The following PTPN4 variants were observed in gnomAD, a reference collection of about 807,000 sequenced individuals.
PTPN4 encodes the protein tyrosine-protein phosphatase non-receptor type 4.
In PTPN4, 49 loss-of-function variants were observed where a neutral mutation model predicts 135.5. That is an observed-to-expected ratio of 0.36 (90% CI 0.29 to 0.46). PTPN4 has a LOEUF of 0.46. Ranked by LOEUF, PTPN4 falls within the 20% of genes least tolerant of loss-of-function variation. PTPN4 has a pLI of 1.00. For missense variants in PTPN4, 860 were observed against 1,101.0 expected, an observed-to-expected ratio of 0.78 and a Z score of 3.10; for synonymous variants, 333 against 369.9, an observed-to-expected ratio of 0.90 and a Z score of 1.14.
chr2:119,783,678 A>C lies in PTPN4; in HGVS notation c.-18+23294A>C, dbSNP rs114263850. ...CTACTCTATTACTTTTGCCTGCGTA[A>C]CCGTAGGCAAGCCACTTAATCCTTC... is the stretch of plus-strand genomic sequence containing the variant. On this transcript the variant is annotated intron_variant, in intron 1 of 26. Transcript: ENST00000263708. Among the ~76,000 whole-genome samples the C allele has an allele frequency of 3.6e-3, 550 of 152,340 alleles. 3 individuals are homozygous for C. The highest frequency in any genetic ancestry group is 0.013 in the African/African-American group (528 of 41,580).
intron 8 of PTPN4, 40 bp from the exon 9 acceptor site, chr2:119,885,755 A>C: frequency 7.4e-7 from 1 of 1,355,760 alleles, no homozygotes; most frequent in South Asian, 1.3e-5. Flanking sequence ...TATTTGATTG[A>C]TTGATTGATC....
intron 3 of PTPN4, among the ~76,000 whole-genome samples, chr2:119,871,226 A>T (rs1221775648): frequency 6.6e-6 from 1 of 150,490 alleles, no homozygotes; most frequent in East Asian, 1.9e-4. Context: ...AGGCTCGGGA[A>T]ATGTGCATTC....
Position 119,965,615 on chromosome 2 carries a change from G to A in PTPN4, c.2528G>A (p.Gly843Asp). ...TGTCATGTACGAAACAAGAGGGCTG[G>A]CAAGGAAGAACCCGTTGTTGTCCAT... ...FVCHVRNKRA[G>D]KEEPVVVHCS... is the part of the protein sequence containing the mutation. The change falls in exon 25 of 27, where the codon GGC becomes GAC. Residue 843 changes from glycine (G) to aspartate (D), a missense_variant. By Grantham distance (94) the Gly-to-Asp change is moderately conservative. Transcript: ENST00000263708. 1 of 1,613,994 alleles carries A rather than the reference G, an allele frequency of 6.2e-7. No individual in the cohort carries two copies. Among genetic ancestry groups the A allele is most frequent in the Non-Finnish European group, 8.5e-7 (1 of 1,179,972 alleles).
intron 24 of PTPN4, among the ~76,000 whole-genome samples, chr2:119,963,818 AAGAT>A (rs1480332357): frequency 6.6e-6 from 1 of 152,220 alleles, no homozygotes; most frequent in African/African-American, 2.4e-5. Flanking sequence ...TAGATAATGA[AAGAT>A]AGGCTACGTA....
intron 5 of PTPN4, among the ~76,000 whole-genome samples, chr2:119,881,162 G>A (rs560466371): frequency 5.3e-4 from 80 of 152,144 alleles, no homozygotes; most frequent in Non-Finnish European, 8.4e-4. Context: ...GCTTGTTAAA[G>A]AAAACCTAAG....
At position 119,934,733 on chromosome 2, in the gene PTPN4, T is replaced by C. The variant is rs898617643; in HGVS notation, c.1197-67T>C. Reference sequence around the variant, plus strand: ...ATACCCCCTTTCTGATGTAACCATATATTAAGAAACTTGGAAATTTTGAAT... The same window carrying C: ...ATACCCCCTTTCTGATGTAACCATACATTAAGAAACTTGGAAATTTTGAAT... On this transcript the variant is annotated intron_variant, in intron 14 of 26. Transcript: ENST00000263708. The C allele has an allele frequency of 2.0e-6, 3 of 1,494,944 alleles. No homozygotes were observed. In the African/African-American group the frequency reaches 4.2e-5, roughly 21 times the overall value. The allele number at this position is 1,494,944 out of a possible 1,614,324, so 92.6% of individuals were successfully genotyped here. A position where few individuals can be genotyped will look rare whatever the true frequency, so the allele number is the denominator to read the frequency against.
chr2:119,926,856 C>G (rs1432214516), intron 13 of PTPN4, among the ~76,000 whole-genome samples, 190 bp downstream of exon 13: 1 of 151,846 alleles, frequency 6.6e-6, no homozygotes, highest in Non-Finnish European at 1.5e-5. Context: ...TTTATTGATT[C>G]ATTTTTTATA....
chr2:119,779,232 G>A (rs1231491073), intron 1 of PTPN4, among the ~76,000 whole-genome samples: 1 of 152,180 alleles, frequency 6.6e-6, no homozygotes, highest in South Asian at 2.1e-4. Flanking sequence ...ACCAGCATTT[G>A]AATTTATAAT....
chr2:119,978,886 T>C lies in PTPN4; in HGVS notation c.*1816T>C, dbSNP rs934211985. On this transcript the variant is annotated 3_prime_UTR_variant, in exon 27 of 27. Coordinates refer to ENST00000263708, the MANE Select transcript of PTPN4 (RefSeq NM_002830.4). The stretch of plus-strand genomic sequence containing the variant: ...ACTCATAATAATAAATTTCAGGAAA[T>C]CAAGCTCCTAAACATTAATAGCCAA... The C allele has an allele frequency of 1.3e-5, 2 of 152,060 alleles. No individual in the cohort carries two copies. Among genetic ancestry groups the C allele is most frequent in the South Asian group, 4.1e-4 (2 of 4,822 alleles). 9.4% of individuals were successfully genotyped at this position (152,060 alleles called of 1,614,324 possible). A position where few individuals can be genotyped will look rare whatever the true frequency, so the allele number is the denominator to read the frequency against.
intron 1 of PTPN4, among the ~76,000 whole-genome samples, chr2:119,797,717 T>G (rs976260156): frequency 6.6e-6 from 1 of 152,166 alleles, no homozygotes; most frequent in African/African-American, 2.4e-5. Flanking sequence ...ATAAACTAAG[T>G]TTTTGCCATT....
chr2:119,882,661 A>T, intron 8 of PTPN4, 38 bp downstream of exon 8: 1 of 1,430,184 alleles, frequency 7.0e-7, no homozygotes, highest in Non-Finnish European at 9.5e-7. Context: ...TAAACTTCTT[A>T]ATGGCATTCT....
At chr2:119,830,005 C>G (rs1437445076) in intron 2 of PTPN4, among the ~76,000 whole-genome samples, 1 of 151,644 alleles carries the variant, frequency 6.6e-6, no homozygotes, top group South Asian at 2.1e-4. Flanking sequence ...TTTTTAATAG[C>G]TATCTTAGTA....
chr2:119,969,552 C>CTTTTTTTTTTTTTTTTTTTTTTT (rs35531556), intron 26 of PTPN4, among the ~76,000 whole-genome samples: 1 of 113,862 alleles, frequency 8.8e-6, no homozygotes. Context: ...TAATCAATTT[C>CTTTTTTTTTTTTTTTTTTTTTTT]TTTTTTTTTT....
intron 1 of PTPN4, among the ~76,000 whole-genome samples, chr2:119,785,734 TTGTG>T (rs202103705): frequency 4.6e-5 from 7 of 151,496 alleles, no homozygotes; most frequent in Admixed American, 1.3e-4. Context: ...CGTGTTTGCT[TTGTG>T]TGTGTGTGTC....
intron 3 of PTPN4, among the ~76,000 whole-genome samples, chr2:119,866,519 A>G (rs1184213933): frequency 6.6e-6 from 1 of 152,098 alleles, no homozygotes; most frequent in Non-Finnish European, 1.5e-5. Context: ...TCTACTTTGG[A>G]ACTCAAGAAA....
At chr2:119,798,329 G>C (rs186097752) in intron 1 of PTPN4, among the ~76,000 whole-genome samples, 3 of 152,130 alleles carry the variant, frequency 2.0e-5, no homozygotes, top group Admixed American at 2.0e-4. Context: ...ACCATGCCTG[G>C]CTAATTTTTG....
At chr2:119,963,551 C>T (rs1679402251) in intron 24 of PTPN4, among the ~76,000 whole-genome samples, 1 of 152,186 alleles carries the variant, frequency 6.6e-6, no homozygotes, top group Non-Finnish European at 1.5e-5. Context: ...AACTCCCCTC[C>T]AACCCCAAGA....
At chr2:119,974,313 G>A (rs1416486721) in intron 26 of PTPN4, among the ~76,000 whole-genome samples, 6 of 152,164 alleles carry the variant, frequency 3.9e-5, no homozygotes, top group African/African-American at 1.4e-4. Flanking sequence ...CCAGGTTCAA[G>A]CAATTCTCCT....
intron 9 of PTPN4, among the ~76,000 whole-genome samples, chr2:119,897,020 A>C (rs920381234): frequency 6.6e-6 from 1 of 152,158 alleles, no homozygotes; most frequent in Non-Finnish European, 1.5e-5. Flanking sequence ...TCCTGGGTTC[A>C]AGTGATTCTC....
Sources: gnomAD v4.1 joint callset for allele counts (sites outside exome capture counted in the v4.1 genomes callset) on GRCh38, gnomAD v4.1.1 for gene constraint, MANE v1.5 for transcripts, NCBI Gene and HGNC (gene_info 2026-07-23, HGNC 2026-07-21) for gene names.